The following FSTL4 variants were observed in gnomAD, a reference collection of about 807,000 sequenced individuals.
FSTL4 encodes the protein follistatin-related protein 4.
In FSTL4, 28 loss-of-function variants were observed where a neutral mutation model predicts 78.2. The ratio of observed to expected loss-of-function variants is 0.36; its 90% CI spans 0.27 to 0.49. The LOEUF (loss-of-function observed/expected upper bound fraction) is 0.49, where lower values mean the gene tolerates loss of function less well. Ranked by LOEUF, FSTL4 falls within the 20% of genes least tolerant of loss-of-function variation. The pLI, the probability that FSTL4 is intolerant of heterozygous loss-of-function variation, is 0.98. For missense variants in FSTL4, 922 were observed against 1,084.9 expected (o/e 0.85, Z 2.11); for synonymous variants, 422 against 440.5 (o/e 0.96, Z 0.53).
At chr5:133,659,843 AT>A in the FSTL4 span, among the ~76,000 whole-genome samples, 1 of 152,146 alleles carries the variant, frequency 6.6e-6, no homozygotes, top group Non-Finnish European at 1.5e-5. Context: ...ATCTATTAAT[AT>A]TTTTCCTCTA....
chr5:133,822,542 T>G, the FSTL4 span, among the ~76,000 whole-genome samples: 1 of 152,054 alleles, frequency 6.6e-6, no homozygotes. Flanking sequence ...AGAGTAGACT[T>G]TAAAACTGCA....
At chr5:133,772,131 A>C in the FSTL4 span, among the ~76,000 whole-genome samples, 1 of 152,214 alleles carries the variant, frequency 6.6e-6, no homozygotes, top group African/African-American at 2.4e-5. Context: ...GAAATCACAT[A>C]TAATGCATCT....
At chr5:133,624,892 T>C in the FSTL4 span, among the ~76,000 whole-genome samples, 2 of 151,800 alleles carry the variant, frequency 1.3e-5, no homozygotes, top group African/African-American at 4.8e-5. Flanking sequence ...TTGGGGAGAA[T>C]TGACATTTTA....
intron 3 of FSTL4, among the ~76,000 whole-genome samples, chr5:133,564,908 A>C (rs975121691): frequency 2.0e-5 from 3 of 152,216 alleles, no homozygotes; most frequent in Admixed American, 6.5e-5. Context: ...TCACTTCTCA[A>C]CACACATACT....
chr5:133,266,263 GCTGA>G (rs1271530477), intron 6 of FSTL4, among the ~76,000 whole-genome samples: 7 of 152,262 alleles, frequency 4.6e-5, no homozygotes, highest in African/African-American at 1.4e-4. Context: ...CAACATGGCT[GCTGA>G]CTATTTTCAA....
chr5:133,311,271 A>G (rs927609567), intron 6 of FSTL4, among the ~76,000 whole-genome samples: 53 of 152,188 alleles, frequency 3.5e-4, no homozygotes, highest in African/African-American at 1.3e-3. Context: ...CCGCAGCAGG[A>G]TAAGCCTACC....
intron 3 of FSTL4, among the ~76,000 whole-genome samples, chr5:133,520,853 G>A (rs1330268402): frequency 6.6e-6 from 1 of 152,094 alleles, no homozygotes; most frequent in African/African-American, 2.4e-5. Flanking sequence ...GGATGGAGGG[G>A]TGGGTCTGAA....
rs374882836 is a variant in FSTL4 at position 133,220,812 on chromosome 5, A to G, written c.1394T>C (p.Ile465Thr). The G allele has an allele frequency of 1.1e-5, 18 of 1,613,444 alleles. No homozygotes were observed. Among genetic ancestry groups the G allele is most frequent in the Non-Finnish European group, 1.4e-5 (17 of 1,179,474 alleles). ...CTGGATCTCACAGTCCACAGGATGG[A>G]TGACGATGATACCGTCGTCGGAGAA... Reference protein sequence around the residue: ...YVFSDDGIIVIHPVDCEIQRH... With the variant: ...YVFSDDGIIVTHPVDCEIQRH... Residue 465 changes from isoleucine (I) to threonine (T), a missense_variant, in exon 12 of 16, where the codon ATC (isoleucine) becomes ACC (threonine). Coordinates refer to ENST00000265342, the MANE Select transcript of FSTL4 (RefSeq NM_015082.2).
At chr5:133,514,386 A>AT (rs1166447090) in intron 3 of FSTL4, among the ~76,000 whole-genome samples, 1 of 152,126 alleles carries the variant, frequency 6.6e-6, no homozygotes, top group Non-Finnish European at 1.5e-5. Context: ...TGGAAAATGC[A>AT]TTTGCATAAT....
chr5:133,792,756 T>C, the FSTL4 span, among the ~76,000 whole-genome samples: 1 of 152,194 alleles, frequency 6.6e-6, no homozygotes, highest in Non-Finnish European at 1.5e-5. Flanking sequence ...TTATATTAAA[T>C]GAGACATCCC....
At chr5:133,249,302 G>A in intron 7 of FSTL4, 108 bp downstream of exon 7, 1 of 854,664 alleles carries the variant, frequency 1.2e-6, no homozygotes. Flanking sequence ...ACCAAACACA[G>A]GATGTTAAAC....
chr5:133,792,626 T>C, the FSTL4 span, among the ~76,000 whole-genome samples: 1 of 152,214 alleles, frequency 6.6e-6, no homozygotes, highest in Non-Finnish European at 1.5e-5. Flanking sequence ...AGCAGGGGTC[T>C]GAGGGCACCG....
rs147893248 is a variant in FSTL4, at chr5:133,452,038, C to T, written c.161-51052G>A. ...GTCCCTCTTCCCCCAGGAGCCCACACCTGGCTGGGGAGATAGACCTACAGA... is the reference window on the plus strand; with the variant it reads ...GTCCCTCTTCCCCCAGGAGCCCACATCTGGCTGGGGAGATAGACCTACAGA... On this transcript the variant is annotated intron_variant, in intron 3 of 15. Coordinates refer to ENST00000265342, the MANE Select transcript of FSTL4 (RefSeq NM_015082.2). Among the ~76,000 whole-genome samples the T allele has an allele frequency of 2.4e-3, 371 of 152,330 alleles. 1 individual carries two copies. The highest frequency in any genetic ancestry group is 2.7e-3 in the Non-Finnish European group (183 of 68,022).
chr5:133,789,067 G>C, the FSTL4 span, among the ~76,000 whole-genome samples: 1 of 152,198 alleles, frequency 6.6e-6, no homozygotes, highest in Non-Finnish European at 1.5e-5. Flanking sequence ...ATGGAAACAA[G>C]GATGCCAGCC....
chr5:133,335,785 A>C (rs17166590), intron 4 of FSTL4, among the ~76,000 whole-genome samples: 76,448 of 151,674 alleles, frequency 0.5, 21,348 homozygotes, highest in African/African-American at 0.77. Context: ...GCCCACCAAG[A>C]AGATGGGCCC....
At chr5:133,645,504 G>A in the FSTL4 span, among the ~76,000 whole-genome samples, 4 of 152,244 alleles carry the variant, frequency 2.6e-5, no homozygotes, top group Admixed American at 1.3e-4. Context: ...TTCGACAAAT[G>A]TTCTTTGAGA....
At position 133,225,143 on chromosome 5, in the gene FSTL4, G is replaced by A. The variant is rs780021384; in HGVS notation, c.1312+7C>T. On this transcript the variant is annotated splice_region_variant and intron_variant, in intron 10 of 15. Coordinates refer to ENST00000265342, the MANE Select transcript of FSTL4 (RefSeq NM_015082.2). This position sits in a 1 kb window ranked among gnomAD's most constrained non-coding sequence, Gnocchi z 4.6. ...TCAGTGAGAAGCATAAACGCGTGTC[G>A]ACTTACGGGTCTTTCTAGCTGAGTC... is the stretch of plus-strand genomic sequence containing the variant. 8.1e-6 allele frequency: 13 copies of A among 1,614,126 alleles called. No homozygotes were observed. The highest frequency in any genetic ancestry group is 1.1e-5 in the South Asian group (1 of 91,052).
At chr5:133,205,281 A>ATAAT (rs1343185335) in intron 14 of FSTL4, among the ~76,000 whole-genome samples, 2 of 152,184 alleles carry the variant, frequency 1.3e-5, no homozygotes, top group African/African-American at 4.8e-5. Context: ...GGTGTTATGA[A>ATAAT]TAATATAGAC....
chr5:133,262,232 C>T (rs779895147), intron 6 of FSTL4, among the ~76,000 whole-genome samples: 1 of 152,164 alleles, frequency 6.6e-6, no homozygotes, highest in South Asian at 2.1e-4. Context: ...ACTGCCCCAG[C>T]CCCTGTTCTA....
Sources: allele counts gnomAD v4.1 joint callset (sites outside exome capture counted in the v4.1 genomes callset), GRCh38; gene constraint gnomAD v4.1.1; non-coding constraint Gnocchi (gnomAD v3.1); transcripts MANE v1.5; gene names NCBI Gene and HGNC (gene_info 2026-07-23, HGNC 2026-07-21).